The following BMPR2 variants were observed in gnomAD, a reference collection of about 807,000 sequenced individuals.
BMPR2 encodes bone morphogenetic protein receptor type 2.
In BMPR2, 29 loss-of-function variants were observed where a neutral mutation model predicts 100.8. That is an observed-to-expected ratio of 0.29 (90% CI 0.21 to 0.39). BMPR2 has a LOEUF of 0.39. Among genes scored for constraint, BMPR2 ranks in the 10% least tolerant of loss-of-function variants. BMPR2 has a pLI of 1.00. For synonymous variants in BMPR2, 382 were observed against 442.3 expected, an observed-to-expected ratio of 0.86 and a Z score of 1.71; for missense variants, 1,011 against 1,274.5, an observed-to-expected ratio of 0.79 and a Z score of 3.15.
chr2:202,555,867 T>G lies in BMPR2; in HGVS notation c.2202T>G (p.Ile734Met). Reference protein sequence around the residue: ...TQTANGQACLIPDVLPTQIYP... With the variant: ...TQTANGQACLMPDVLPTQIYP... ...CTGCAAATGGCCAAGCATGTTTGAT[T>G]CCTGATGTTCTGCCTACTCAGATCT... The change falls in exon 12 of 13, where the codon ATT becomes ATG. Residue 734 changes from isoleucine to methionine, a missense_variant. Physicochemically the swap from Ile to Met is conservative, Grantham distance 10. Around this residue, in one of 6 missense-constraint regions of BMPR2, gnomAD observed 508 missense variants for 552.0 expected, o/e 0.92. Transcript: ENST00000374580. 1 of 1,614,138 alleles carries G rather than the reference T, an allele frequency of 6.2e-7. No individual in the cohort carries two copies. Among genetic ancestry groups the G allele is most frequent in the Non-Finnish European group, 8.5e-7 (1 of 1,180,026 alleles).
At chr2:202,445,908 G>C (rs530793520) in intron 1 of BMPR2, among the ~76,000 whole-genome samples, 1 of 148,668 alleles carries the variant, frequency 6.7e-6, no homozygotes, top group South Asian at 2.1e-4. Flanking sequence ...CCGAGTAGCT[G>C]AGACTACAGG....
chr2:202,520,486 G>A (rs1042647981), intron 7 of BMPR2: 11 of 436,892 alleles, frequency 2.5e-5, no homozygotes, highest in African/African-American at 1.8e-4. Flanking sequence ...TAGTGGTCAT[G>A]TCCTGTGAGG....
Position 202,377,321 on chromosome 2 carries a change from A to G in BMPR2, c.-154A>G, listed in dbSNP as rs962446433. Reference sequence around the variant, plus strand: ...GCAGCGGCATGAAAGCTCTGCAGCTAGGTCCTCTCATCAGCCATTTGTCCT... The same window carrying G: ...GCAGCGGCATGAAAGCTCTGCAGCTGGGTCCTCTCATCAGCCATTTGTCCT... On this transcript the variant is annotated 5_prime_UTR_variant, in exon 1 of 13. Transcript: ENST00000374580. The G allele has an allele frequency of 8.0e-6, 6 of 751,882 alleles. No homozygotes were observed. The highest frequency in any genetic ancestry group is 6.9e-5 in the African/African-American group (4 of 58,286). 46.6% of individuals were successfully genotyped at this position (751,882 alleles called of 1,614,324 possible).
intron 10 of BMPR2, among the ~76,000 whole-genome samples, chr2:202,545,966 C>A (rs1473044399): frequency 6.6e-6 from 1 of 152,210 alleles, no homozygotes; most frequent in East Asian, 1.9e-4. Flanking sequence ...AATACAACTT[C>A]ATCTTCCTTA....
chr2:202,390,395 C>T (rs1295366533), intron 1 of BMPR2, among the ~76,000 whole-genome samples: 7 of 150,284 alleles, frequency 4.7e-5, no homozygotes, highest in African/African-American at 1.5e-4. Context: ...TGCAGTGGCA[C>T]GATCTTGGCT....
At chr2:202,484,381 G>GAA (rs113687955) in intron 3 of BMPR2, among the ~76,000 whole-genome samples, 7 of 140,822 alleles carry the variant, frequency 5.0e-5, no homozygotes, top group African/African-American at 1.8e-4. Context: ...CCTTCCTTCC[G>GAA]AAAAAAAATA....
In BMPR2 at chr2:202,532,522, T is replaced by G. The variant is rs1688046427; in HGVS notation, c.1129-63T>G. The G allele has an allele frequency of 4.5e-6, 7 of 1,566,064 alleles. No individual in the cohort carries two copies. The Admixed American group carries it at 1.0e-4, about 23-fold the overall frequency. On this transcript the variant is annotated intron_variant, in intron 8 of 12. Transcript: ENST00000374580. This position sits in a 1 kb window ranked among gnomAD's most constrained non-coding sequence, Gnocchi z 4.1. ...TAAGATTTATATATAACTTCTGGTC[T>G]AATGTCTGTTCTTCAGAATATGCTA... is the stretch of plus-strand genomic sequence containing the variant.
intron 7 of BMPR2, among the ~76,000 whole-genome samples, chr2:202,529,643 A>G (rs1297576281): frequency 6.6e-6 from 1 of 152,174 alleles, no homozygotes; most frequent in African/African-American, 2.4e-5. Context: ...GGAAATGAGA[A>G]AGAAATCAAC....
At chr2:202,533,152 C>T (rs1220419952) in intron 9 of BMPR2, among the ~76,000 whole-genome samples, 2 of 151,362 alleles carry the variant, frequency 1.3e-5, no homozygotes, top group Non-Finnish European at 2.9e-5. Context: ...TTTCATGCTC[C>T]CTTTCTCCCT....
At chr2:202,498,208 C>G (rs1296274302) in intron 3 of BMPR2, among the ~76,000 whole-genome samples, 1 of 152,114 alleles carries the variant, frequency 6.6e-6, no homozygotes, top group Admixed American at 6.6e-5. Flanking sequence ...TTGGTAAGGG[C>G]CACTAAATCT....
intron 1 of BMPR2, among the ~76,000 whole-genome samples, chr2:202,382,051 T>C (rs989333012): frequency 6.8e-6 from 1 of 147,994 alleles, no homozygotes; most frequent in Non-Finnish European, 1.5e-5. Context: ...TATCAGTTTT[T>C]GTTTTTGTTT....
intron 3 of BMPR2, among the ~76,000 whole-genome samples, chr2:202,479,554 G>C (rs1048649186): frequency 6.6e-6 from 1 of 152,018 alleles, no homozygotes; most frequent in Non-Finnish European, 1.5e-5. Flanking sequence ...CACATGCATA[G>C]CCTCCCCCAT....
intron 1 of BMPR2, among the ~76,000 whole-genome samples, chr2:202,402,889 C>T (rs1690795549): frequency 6.6e-6 from 1 of 150,920 alleles, no homozygotes; most frequent in South Asian, 2.1e-4. Flanking sequence ...AGTGCAATGG[C>T]GCGATCTCAG....
intron 10 of BMPR2, among the ~76,000 whole-genome samples, chr2:202,544,283 G>GT (rs1380441766): frequency 1.3e-5 from 2 of 151,878 alleles, no homozygotes; most frequent in African/African-American, 4.8e-5. Context: ...GTAAACGATT[G>GT]TTTTTTTGAT....
At chr2:202,546,096 T>C (rs1688370551) in intron 10 of BMPR2, among the ~76,000 whole-genome samples, 1 of 152,232 alleles carries the variant, frequency 6.6e-6, no homozygotes, top group African/African-American at 2.4e-5. Flanking sequence ...ACTTCCAGTA[T>C]AGAGTAGGTT....
At chr2:202,481,886 T>C (rs546089248) in intron 3 of BMPR2, among the ~76,000 whole-genome samples, 1 of 152,336 alleles carries the variant, frequency 6.6e-6, no homozygotes, top group East Asian at 1.9e-4. Flanking sequence ...CATTTTTAAG[T>C]GTACAGTTCA....
chr2:202,496,273 G>A (rs924806596), intron 3 of BMPR2, among the ~76,000 whole-genome samples: 22 of 152,240 alleles, frequency 1.4e-4, no homozygotes, highest in African/African-American at 5.3e-4. Flanking sequence ...GATTGCTTGA[G>A]CCCGGGAGTT....
chr2:202,399,471 A>G (rs575164061), intron 1 of BMPR2, among the ~76,000 whole-genome samples: 11 of 152,372 alleles, frequency 7.2e-5, no homozygotes, highest in African/African-American at 2.4e-4. Context: ...TTAGACAGGC[A>G]GGCAGGAGCC....
At chr2:202,535,380 G>A (rs1445680457) in intron 9 of BMPR2, among the ~76,000 whole-genome samples, 1 of 151,098 alleles carries the variant, frequency 6.6e-6, no homozygotes, top group Admixed American at 6.6e-5. Flanking sequence ...GGGCGGCCGG[G>A]CAGAGACGCT....
Sources: allele counts gnomAD v4.1 joint callset (sites outside exome capture counted in the v4.1 genomes callset), GRCh38; gene constraint gnomAD v4.1.1; regional missense constraint gnomAD v4.1.1; non-coding constraint Gnocchi (gnomAD v3.1); transcripts MANE v1.5; gene names NCBI Gene and HGNC (gene_info 2026-07-23, HGNC 2026-07-21).